The following RUFY1 variants were observed in gnomAD, a reference collection of about 807,000 sequenced individuals.
RUFY1 encodes RUN and FYVE domain-containing protein 1.
A neutral mutation model predicts 94.6 loss-of-function variants in RUFY1; 54 were observed. That is an observed-to-expected ratio of 0.57 (90% confidence interval 0.46 to 0.72). The LOEUF is 0.72. Ranked by LOEUF, RUFY1 falls within the 30% of genes least tolerant of loss-of-function variation. RUFY1 has a pLI of 0.00. For synonymous variants in RUFY1, 396 were observed against 347.3 expected (o/e 1.14, Z -1.56); for missense variants, 883 against 883.9 (o/e 1.00, Z 0.01).
At chr5:179,571,924 A>T (rs919128045) in intron 5 of RUFY1, among the ~76,000 whole-genome samples, 16 of 147,814 alleles carry the variant, frequency 1.1e-4, no homozygotes, top group East Asian at 2.0e-4. Context: ...TTTGTTATAA[A>T]TTTTTTTTCT....
chr5:179,563,523 C>A (rs1762597993), intron 3 of RUFY1, among the ~76,000 whole-genome samples: 1 of 152,254 alleles, frequency 6.6e-6, no homozygotes, highest in East Asian at 1.9e-4. Flanking sequence ...TGCCTTGAAG[C>A]CCTCCAAATC....
intron 5 of RUFY1, among the ~76,000 whole-genome samples, chr5:179,571,286 A>G (rs1304362102): frequency 6.6e-6 from 1 of 152,182 alleles, no homozygotes; most frequent in Non-Finnish European, 1.5e-5. Flanking sequence ...ACTGGAGCCC[A>G]GGAATTTGAG....
At chr5:179,570,732 T>C (rs562454193) in intron 5 of RUFY1, among the ~76,000 whole-genome samples, 117 of 152,300 alleles carry the variant, frequency 7.7e-4, no homozygotes, top group Non-Finnish European at 1.5e-3. Flanking sequence ...AAAGATTCCC[T>C]GATCCCTCCA....
At chr5:179,603,195 G>A (rs1766628333) in intron 15 of RUFY1, among the ~76,000 whole-genome samples, 1 of 151,930 alleles carries the variant, frequency 6.6e-6, no homozygotes, top group South Asian at 2.1e-4. Flanking sequence ...AACCCGGGAG[G>A]CAGAGGTTGC....
At chr5:179,563,110 T>G (rs572620534) in intron 3 of RUFY1, among the ~76,000 whole-genome samples, 1 of 152,128 alleles carries the variant, frequency 6.6e-6, no homozygotes, top group Admixed American at 6.6e-5. Context: ...AGGCTCAAAA[T>G]CAAAAACAGT....
At chr5:179,555,300 A>T (rs537979525) in intron 1 of RUFY1, among the ~76,000 whole-genome samples, 2 of 152,286 alleles carry the variant, frequency 1.3e-5, no homozygotes, top group East Asian at 3.9e-4. Flanking sequence ...TTATTTGGCA[A>T]TTCAGTAGGT....
intron 6 of RUFY1, among the ~76,000 whole-genome samples, chr5:179,579,657 C>CTTCTTTTTTTTTTTT (rs1433456916): frequency 1.4e-4 from 7 of 50,562 alleles, no homozygotes; most frequent in African/African-American, 1.8e-4. Context: ...TTTTCTTCTT[C>CTTCTTTTTTTTTTTT]TTTTTTTTTT....
At chr5:179,566,049 G>A (rs1262741889) in intron 3 of RUFY1, among the ~76,000 whole-genome samples, 2 of 151,780 alleles carry the variant, frequency 1.3e-5, no homozygotes, top group Non-Finnish European at 2.9e-5. Context: ...CTTAACGCAG[G>A]GTTATCACTT....
intron 7 of RUFY1, among the ~76,000 whole-genome samples, chr5:179,582,614 A>G (rs1764249679): frequency 6.6e-6 from 1 of 152,136 alleles, no homozygotes; most frequent in African/African-American, 2.4e-5. Context: ...ACACTTTGGG[A>G]GGCCGACGTG....
In RUFY1 at chr5:179,601,694, C is replaced by G. The variant is rs866698310; in HGVS notation, c.1762-198C>G. On this transcript the variant is annotated intron_variant, in intron 14 of 17. Coordinates refer to ENST00000319449, the MANE Select transcript of RUFY1 (RefSeq NM_025158.5). ...ATTAGCAGGGCATGGTGGCGGGCAC[C>G]TGTAGTCCCAGCTACTTGGGAGGCT... Among the ~76,000 whole-genome samples, 11 of 151,632 alleles carry G rather than the reference C, an allele frequency of 7.3e-5. No individual in the cohort carries two copies. In the South Asian group the frequency reaches 2.1e-3, roughly 29 times the overall value.
intron 9 of RUFY1, among the ~76,000 whole-genome samples, chr5:179,590,136 G>A (rs1052706954): frequency 1.3e-5 from 2 of 151,982 alleles, no homozygotes; most frequent in Non-Finnish European, 2.9e-5. Context: ...GGCGGATCAC[G>A]AGGCCAGGAG....
chr5:179,578,261 T>A (rs1192249474), intron 6 of RUFY1, among the ~76,000 whole-genome samples: 1 of 152,240 alleles, frequency 6.6e-6, no homozygotes, highest in Non-Finnish European at 1.5e-5. Flanking sequence ...TCGCCCAGGC[T>A]GGAGTGCAGT....
chr5:179,575,338 T>C (rs1195851836), intron 5 of RUFY1, among the ~76,000 whole-genome samples: 1 of 151,756 alleles, frequency 6.6e-6, no homozygotes, highest in Non-Finnish European at 1.5e-5. Context: ...GAAGACTTGC[T>C]CTCTCCTCGT....
In RUFY1 at chr5:179,564,266, C is replaced by T. The variant is rs538590480; in HGVS notation, c.602+1602C>T. Among the ~76,000 whole-genome samples the T allele has an allele frequency of 6.6e-5, 10 of 151,568 alleles. No individual in the cohort carries two copies. In the South Asian group the frequency reaches 1.3e-3, roughly 19 times the overall value. On this transcript the variant is annotated intron_variant, in intron 3 of 17. Transcript: ENST00000319449. ...TCCCAAGTAGCTGGGATTACAGGTG[C>T]CTGCCACCAGGCCCAGGTAATTTTT...
chr5:179,583,507 C>T (rs1194580914), intron 7 of RUFY1, among the ~76,000 whole-genome samples: 1 of 148,208 alleles, frequency 6.7e-6, no homozygotes, highest in African/African-American at 2.5e-5. Flanking sequence ...AGCTCCGCCT[C>T]CCAGGTTCAC....
intron 10 of RUFY1, among the ~76,000 whole-genome samples, chr5:179,592,009 G>C (rs565344585): frequency 1.3e-5 from 2 of 152,200 alleles, no homozygotes; most frequent in South Asian, 4.1e-4. Context: ...GCGATGGCGC[G>C]ATCTTGGCCC....
rs1562119784 is a variant in RUFY1 at position 179,606,004 on chromosome 5, C to T, written c.1905+80C>T. 8.4e-6 allele frequency: 8 copies of T among 951,914 alleles called. No homozygotes were observed. In the Admixed American group the frequency reaches 1.1e-4, roughly 13 times the overall value. The allele number at this position is 951,914 out of a possible 1,614,324, so 59.0% of individuals were successfully genotyped here. A position where few individuals can be genotyped will look rare whatever the true frequency, so the allele number is the denominator to read the frequency against. ...GTGCTCGTACGTTTAAGTATCCCAA[C>T]AGTCAGGTGAGAGCGTGTGGTTGAG... is the stretch of plus-strand genomic sequence containing the variant. On this transcript the variant is annotated intron_variant, in intron 16 of 17. Transcript: ENST00000319449.
intron 1 of RUFY1, among the ~76,000 whole-genome samples, chr5:179,555,034 G>C (rs552428053): frequency 6.6e-6 from 1 of 151,740 alleles, no homozygotes; most frequent in East Asian, 1.9e-4. Flanking sequence ...TTGTATCTTT[G>C]AGAGTTTCCG....
intron 4 of RUFY1, 37 bp from the exon 5 acceptor site, chr5:179,569,264 GT>G (rs1561988808): frequency 3.7e-6 from 6 of 1,613,312 alleles, no homozygotes; most frequent in Non-Finnish European, 8.5e-7. Flanking sequence ...TGGTGAAGCT[GT>G]TTCTGAGCAT....
Sources: allele counts gnomAD v4.1 joint callset (sites outside exome capture counted in the v4.1 genomes callset), GRCh38; gene constraint gnomAD v4.1.1; transcripts MANE v1.5; gene names NCBI Gene and HGNC (gene_info 2026-07-23, HGNC 2026-07-21).